Variants in PDE6D observed in about 807,000 individuals in gnomAD.
PDE6D encodes the protein phosphodiesterase 6D.
Under a neutral mutation model 21.9 loss-of-function variants are expected in PDE6D, and 10 were observed. That is an observed-to-expected ratio of 0.46 (90% CI 0.28 to 0.78). PDE6D has a LOEUF of 0.78. Ranked by LOEUF, PDE6D falls within the 30% of genes least tolerant of loss-of-function variation. The pLI, the probability that PDE6D is intolerant of heterozygous loss-of-function variation, is 0.12. For missense variants in PDE6D, 139 were observed against 184.8 expected (o/e 0.75, Z 1.44); for synonymous variants, 59 against 63.5 (o/e 0.93, Z 0.34).
At chr2:231,747,978 G>T (rs2048807967) in intron 1 of PDE6D, among the ~76,000 whole-genome samples, 1 of 152,314 alleles carries the variant, frequency 6.6e-6, no homozygotes, top group South Asian at 2.1e-4. Flanking sequence ...CTCCAACCAT[G>T]TGGAACTGTA....
chr2:231,776,471 T>TA (rs752318314), intron 1 of PDE6D, among the ~76,000 whole-genome samples: 6 of 152,130 alleles, frequency 3.9e-5, no homozygotes, highest in Admixed American at 3.9e-4. Context: ...TCCATTTTTA[T>TA]AAAAAACACA....
intron 1 of PDE6D, among the ~76,000 whole-genome samples, chr2:231,775,026 C>A (rs2049043904): frequency 6.6e-6 from 1 of 152,174 alleles, no homozygotes; most frequent in East Asian, 1.9e-4. Flanking sequence ...AATTGTCCTG[C>A]CTCTGCCTCT....
chr2:231,738,188 G>A lies in PDE6D; in HGVS notation c.140-50C>T, dbSNP rs1424187236. The A allele has an allele frequency of 1.9e-6, 3 of 1,540,346 alleles. No individual in the cohort carries two copies. In the Admixed American group the frequency reaches 6.2e-5, roughly 32 times the overall value. ...AAGCCTTTCTAAATGAAAACCACAGGACTATGATGCTTCAAATTTCTGGGA... is the reference window on the plus strand; with the variant it reads ...AAGCCTTTCTAAATGAAAACCACAGAACTATGATGCTTCAAATTTCTGGGA... On this transcript the variant is annotated intron_variant, in intron 2 of 4. Transcript: ENST00000287600.
At chr2:231,772,138 T>G (rs1335462205) in intron 1 of PDE6D, among the ~76,000 whole-genome samples, 3 of 152,120 alleles carry the variant, frequency 2.0e-5, no homozygotes, top group Admixed American at 6.5e-5. Flanking sequence ...AACAGTTGTT[T>G]TTTTTTTTTA....
chr2:231,774,374 C>T (rs553522906), intron 1 of PDE6D, among the ~76,000 whole-genome samples: 66 of 152,188 alleles, frequency 4.3e-4, no homozygotes, highest in Non-Finnish European at 8.2e-4. Flanking sequence ...GATGCTGAGG[C>T]TCAGAGTCTG....
At chr2:231,772,076 TCTTGTA>T (rs1376481005) in intron 1 of PDE6D, among the ~76,000 whole-genome samples, 3 of 152,096 alleles carry the variant, frequency 2.0e-5, no homozygotes, top group Non-Finnish European at 4.4e-5. Flanking sequence ...ACCCCGCAAA[TCTTGTA>T]CTTCCTCTGA....
chr2:231,744,434 CT>C (rs71396691), intron 1 of PDE6D, among the ~76,000 whole-genome samples: 658 of 136,166 alleles, frequency 4.8e-3, no homozygotes, highest in Middle Eastern at 0.011. Context: ...AATTGCTTTT[CT>C]TTTTTTTTTT....
chr2:231,734,170 C>T (rs1383924068), intron 4 of PDE6D, among the ~76,000 whole-genome samples: 5 of 151,444 alleles, frequency 3.3e-5, no homozygotes, highest in South Asian at 2.1e-4. Context: ...GCCGAGATCA[C>T]GCCACTGCAC....
intron 4 of PDE6D, among the ~76,000 whole-genome samples, chr2:231,734,978 C>T (rs1032651113): frequency 2.6e-5 from 4 of 151,448 alleles, no homozygotes; most frequent in African/African-American, 9.7e-5. Flanking sequence ...CACGGTGGCT[C>T]ACGTCTGTAA....
At chr2:231,754,734 C>T (rs1021237454) in intron 1 of PDE6D, among the ~76,000 whole-genome samples, 1 of 151,432 alleles carries the variant, frequency 6.6e-6, no homozygotes, top group African/African-American at 2.4e-5. Context: ...AAACTTATTC[C>T]AAAGAATGGC....
At chr2:231,764,683 C>T (rs1350515456) in intron 1 of PDE6D, among the ~76,000 whole-genome samples, 4 of 152,196 alleles carry the variant, frequency 2.6e-5, no homozygotes, top group Non-Finnish European at 5.9e-5. Context: ...CTCTGCCATA[C>T]ATTCCATTCT....
At chr2:231,779,728 T>G (rs2049087807) in intron 1 of PDE6D, among the ~76,000 whole-genome samples, 1 of 152,216 alleles carries the variant, frequency 6.6e-6, no homozygotes, top group African/African-American at 2.4e-5. Context: ...CAGATGGTAG[T>G]ATGCAAAGGT....
rs942550345 is a variant in PDE6D, at chr2:231,755,260, A to T, written c.51-16072T>A. Among the ~76,000 whole-genome samples, 35 of 152,322 alleles carry T rather than the reference A, an allele frequency of 2.3e-4. 1 individual carries two copies. The highest frequency in any genetic ancestry group is 3.4e-4 in the Non-Finnish European group (23 of 68,024). ...TTGTTACAGCAGCCCGAAATGACAG[A>T]TATCTCTACTATAAATTTTTAAAAT... On this transcript the variant is annotated intron_variant, in intron 1 of 4. Coordinates refer to ENST00000287600, the MANE Select transcript of PDE6D (RefSeq NM_002601.4).
intron 1 of PDE6D, among the ~76,000 whole-genome samples, chr2:231,764,848 A>C (rs1427781203): frequency 2.0e-5 from 3 of 152,358 alleles, no homozygotes; most frequent in Admixed American, 6.5e-5. Flanking sequence ...AGTGCTCAGC[A>C]TGTAACTGAC....
intron 2 of PDE6D, 48 bp from the exon 3 acceptor site, chr2:231,738,186 A>G: frequency 6.4e-7 from 1 of 1,558,668 alleles, no homozygotes; most frequent in Non-Finnish European, 8.7e-7. Flanking sequence ...TGAAAACCAC[A>G]GGACTATGAT....
intron 1 of PDE6D, among the ~76,000 whole-genome samples, chr2:231,756,195 TG>T (rs2048881287): frequency 6.6e-6 from 1 of 152,144 alleles, no homozygotes; most frequent in African/African-American, 2.4e-5. Context: ...ACAGAAGTTT[TG>T]GGGGCAGACC....
intron 1 of PDE6D, among the ~76,000 whole-genome samples, chr2:231,750,611 A>G (rs2048831732): frequency 6.8e-6 from 1 of 147,894 alleles, no homozygotes; most frequent in Non-Finnish European, 1.5e-5. Context: ...CTACTGCCTC[A>G]GCCTCCCAAG....
At chr2:231,753,659 T>C (rs2048861132) in intron 1 of PDE6D, among the ~76,000 whole-genome samples, 1 of 151,946 alleles carries the variant, frequency 6.6e-6, no homozygotes, top group Admixed American at 6.5e-5. Flanking sequence ...AGATGAGCTT[T>C]TGCATGGAAA....
At chr2:231,771,718 T>A (rs1041248352) in intron 1 of PDE6D, among the ~76,000 whole-genome samples, 1 of 152,180 alleles carries the variant, frequency 6.6e-6, no homozygotes, top group Non-Finnish European at 1.5e-5. Context: ...ATACTGAGTG[T>A]CTCAGAGTTG....
Sources: gnomAD v4.1 joint callset for allele counts (sites outside exome capture counted in the v4.1 genomes callset) on GRCh38, gnomAD v4.1.1 for gene constraint, MANE v1.5 for transcripts, NCBI Gene and HGNC (gene_info 2026-07-23, HGNC 2026-07-21) for gene names.